Variants in PSIP1 observed in about 807,000 individuals in gnomAD.
The protein encoded by PSIP1 is PC4 and SRSF1 interacting protein 1.
A neutral mutation model predicts 74.7 loss-of-function variants in PSIP1; 19 were observed. That is an observed-to-expected ratio of 0.25 (90% CI 0.18 to 0.37). The LOEUF is 0.37. Among genes scored for constraint, PSIP1 ranks in the 10% least tolerant of loss-of-function variants. The probability of loss-of-function intolerance (pLI) is 1.00; values close to 1 mark genes in which losing one functional copy is unlikely to be tolerated. For synonymous variants in PSIP1, 222 were observed against 195.3 expected, an observed-to-expected ratio of 1.14 and a Z score of -1.14; for missense variants, 601 against 614.3, an observed-to-expected ratio of 0.98 and a Z score of 0.23.
At chr9:15,466,389 C>CAACA (rs2035629132) in intron 15 of PSIP1, among the ~76,000 whole-genome samples, 2 of 117,650 alleles carry the variant, frequency 1.7e-5, no homozygotes, top group African/African-American at 5.4e-5. Flanking sequence ...AAAGAAAAAA[C>CAACA]AACAACAACA....
intron 3 of PSIP1, chr9:15,505,600 G>C (rs2037550550): frequency 6.6e-6 from 1 of 152,154 alleles, no homozygotes; most frequent in African/African-American, 2.4e-5. Flanking sequence ...TAGACTAGTG[G>C]TTGTTTACGG....
At position 15,505,710 on chromosome 9, in the gene PSIP1, ACTT is replaced by A. The variant is rs1470054867; in HGVS notation, c.149+848_149+850del. On this transcript the variant is annotated intron_variant, in intron 3 of 15. Coordinates refer to ENST00000380733, the MANE Select transcript of PSIP1 (RefSeq NM_033222.5). ...ATTGAAAATCACTTTAAGCAGGTGAACTTCTTTGTATGTAAATTCCATCTCAAT... is the reference window on the plus strand; with the variant it reads ...ATTGAAAATCACTTTAAGCAGGTGAACTTTGTATGTAAATTCCATCTCAAT... 5.3e-5 allele frequency: 8 copies of A among 152,328 alleles called. No individual in the cohort carries two copies. The South Asian group carries it at 1.0e-3, about 20-fold the overall frequency. 9.4% of individuals were successfully genotyped at this position (152,328 alleles called of 1,614,324 possible).
At chr9:15,504,202 A>G (rs2132228361) in intron 3 of PSIP1, among the ~76,000 whole-genome samples, 1 of 152,354 alleles carries the variant, frequency 6.6e-6, no homozygotes, top group Admixed American at 6.5e-5. Flanking sequence ...GCTTAACTTT[A>G]AAGTTAAATT....
At chr9:15,503,452 T>A (rs1416668088) in intron 3 of PSIP1, among the ~76,000 whole-genome samples, 1 of 152,026 alleles carries the variant, frequency 6.6e-6, no homozygotes, top group Non-Finnish European at 1.5e-5. Context: ...AAACCAGGCG[T>A]TGGAGACCAG....
In PSIP1 at chr9:15,474,048, G is replaced by C. The variant is rs761950956; in HGVS notation, c.819C>G (p.Ser273=). Residue 273 remains serine (S), a synonymous_variant, in exon 9 of 16, where the codon TCC becomes TCG. Coordinates refer to ENST00000380733, the MANE Select transcript of PSIP1 (RefSeq NM_033222.5). Reference sequence around the variant, plus strand: ...GATCATCTCCTTCTTCTTCAGAATCGGAGGTTGAAGTAACCCCTGTTTTAG... The same window carrying C: ...GATCATCTCCTTCTTCTTCAGAATCCGAGGTTGAAGTAACCCCTGTTTTAG... ...NLAKTGVTST[S]DSEEEGDDQE... 2 of 1,612,512 alleles carry C rather than the reference G, an allele frequency of 1.2e-6. No homozygotes were observed. The highest frequency in any genetic ancestry group is 2.2e-5 in the East Asian group (1 of 44,806).
At chr9:15,468,524 T>C in intron 14 of PSIP1, 106 bp downstream of exon 14, 2 of 1,253,610 alleles carry the variant, frequency 1.6e-6, no homozygotes, top group Non-Finnish European at 2.3e-6. Context: ...GTATACTTTT[T>C]CTGTGGCGTA....
chr9:15,486,002 T>C lies in PSIP1; in HGVS notation c.456+4A>G. 2.5e-6 allele frequency: 4 copies of C among 1,601,430 alleles called. No individual in the cohort carries two copies. Among genetic ancestry groups the C allele is most frequent in the Non-Finnish European group, 3.4e-6 (4 of 1,169,428 alleles). ...CCCCATGGTTGGTAAGTCAGTGAAA[T>C]TACCTTTCTCTTTCTCCCCCTTCTG... On this transcript the variant is annotated splice_donor_region_variant and intron_variant, in intron 6 of 15. Transcript: ENST00000380733.
At chr9:15,501,018 C>T (rs1586855263) in intron 3 of PSIP1, among the ~76,000 whole-genome samples, 2 of 151,984 alleles carry the variant, frequency 1.3e-5, no homozygotes, top group Non-Finnish European at 2.9e-5. Context: ...AAATAATAGC[C>T]AAGCATTGTT....
rs867350611 is a variant in PSIP1 at position 15,476,655 on chromosome 9, C to A, written c.629+1822G>T. On this transcript the variant is annotated intron_variant, in intron 8 of 15. Coordinates refer to ENST00000380733, the MANE Select transcript of PSIP1 (RefSeq NM_033222.5). ...ATGATTCCTGAGGGATGGTTTCTCA[C>A]AAAAACCTATAAACTCAAAGTATCT... Among the ~76,000 whole-genome samples the A allele has an allele frequency of 1.1e-3, 165 of 152,226 alleles. 1 individual carries two copies. Among genetic ancestry groups the A allele is most frequent in the African/African-American group, 3.9e-3 (160 of 41,554 alleles).
At chr9:15,498,087 T>C (rs1451040706) in intron 3 of PSIP1, among the ~76,000 whole-genome samples, 1 of 152,182 alleles carries the variant, frequency 6.6e-6, no homozygotes, top group Non-Finnish European at 1.5e-5. Flanking sequence ...GCTCAATCTC[T>C]GCACCTATCT....
At chr9:15,495,079 A>G (rs2037013009) in intron 3 of PSIP1, among the ~76,000 whole-genome samples, 1 of 152,180 alleles carries the variant, frequency 6.6e-6, no homozygotes, top group African/African-American at 2.4e-5. Flanking sequence ...GGAAGCTAAA[A>G]AGACAACTAA....
chr9:15,493,385 A>G (rs562183238), intron 3 of PSIP1, among the ~76,000 whole-genome samples: 1 of 152,278 alleles, frequency 6.6e-6, no homozygotes, highest in South Asian at 2.1e-4. Flanking sequence ...TTTGGGTCAA[A>G]GCCATTCAAC....
At position 15,465,150 on chromosome 9, in the gene PSIP1, A is replaced by ATG. The variant is rs1337342635; in HGVS notation, c.*369_*370insCA. 2 of 237,422 alleles carry ATG rather than the reference A, an allele frequency of 8.4e-6. No individual in the cohort carries two copies. Among genetic ancestry groups the ATG allele is most frequent in the Non-Finnish European group, 1.6e-5 (2 of 121,218 alleles). 14.7% of individuals were successfully genotyped at this position (237,422 alleles called of 1,614,324 possible). On this transcript the variant is annotated 3_prime_UTR_variant, in exon 16 of 16. Transcript: ENST00000380733. ...TTTGTAAAAACTATGCACAAAACCC[A>ATG]CAGTATTTGGGAAAAGAGGCAAGGT...
chr9:15,470,873 C>T (rs2035794507), intron 10 of PSIP1: 1 of 1,079,162 alleles, frequency 9.3e-7, no homozygotes. Context: ...TAATGTACAA[C>T]CACCATCTTC....
chr9:15,504,501 G>A (rs962667845), intron 3 of PSIP1, among the ~76,000 whole-genome samples: 2 of 152,130 alleles, frequency 1.3e-5, no homozygotes, highest in Non-Finnish European at 2.9e-5. Context: ...ACTTTAGGAG[G>A]CCGAGGTGGG....
At chr9:15,467,114 T>C (rs1394089098) in intron 14 of PSIP1, among the ~76,000 whole-genome samples, 2 of 151,972 alleles carry the variant, frequency 1.3e-5, no homozygotes, top group Non-Finnish European at 2.9e-5. Context: ...GCAGGTTAAC[T>C]ATCTATGAGT....
intron 3 of PSIP1, chr9:15,491,871 T>C (rs1360610930): frequency 2.6e-5 from 4 of 152,494 alleles, no homozygotes; most frequent in Admixed American, 1.3e-4. Context: ...AGAGAATGCA[T>C]GCAAGCAGGG....
At chr9:15,478,757 G>C (rs1351790023) in intron 7 of PSIP1, among the ~76,000 whole-genome samples, 3 of 152,132 alleles carry the variant, frequency 2.0e-5, no homozygotes, top group African/African-American at 7.2e-5. Flanking sequence ...GAGGTAAACA[G>C]AGTAATCCTC....
Position 15,488,476 on chromosome 9 carries a change from C to G in PSIP1, c.288+1510G>C, listed in dbSNP as rs114198781. 7.1e-3 allele frequency among the ~76,000 whole-genome samples: 1,084 copies of G among 152,218 alleles called. 14 individuals are homozygous for G. The highest frequency in any genetic ancestry group is 0.024 in the African/African-American group (1,016 of 41,532). ...GTTTATTGATGAAAGAGAAACTGTCCCAATTATCTTCATAAAGACCTCTCA... is the reference window on the plus strand; with the variant it reads ...GTTTATTGATGAAAGAGAAACTGTCGCAATTATCTTCATAAAGACCTCTCA... On this transcript the variant is annotated intron_variant, in intron 4 of 15. Transcript: ENST00000380733.
Sources: gnomAD v4.1 joint callset for allele counts (sites outside exome capture counted in the v4.1 genomes callset) on GRCh38, gnomAD v4.1.1 for gene constraint, MANE v1.5 for transcripts, NCBI Gene and HGNC (gene_info 2026-07-23, HGNC 2026-07-21) for gene names.